The following MEI4 variants were observed in gnomAD, a reference collection of about 807,000 sequenced individuals.
The protein encoded by MEI4 is meiosis-specific protein MEI4.
MEI4 carries 27 observed loss-of-function variants against 31.4 expected under a neutral mutation model. That is an observed-to-expected ratio of 0.86 (90% CI 0.63 to 1.19). The LOEUF (loss-of-function observed/expected upper bound fraction) is 1.19. MEI4 is among the 50% of genes most tolerant of loss of function. MEI4 has a pLI of 0.00. For synonymous variants in MEI4, 122 were observed against 145.4 expected, an observed-to-expected ratio of 0.84 and a Z score of 1.16; for missense variants, 329 against 398.9, an observed-to-expected ratio of 0.82 and a Z score of 1.49.
At chr6:77,661,882 G>T (rs994660102) in intron 1 of MEI4, among the ~76,000 whole-genome samples, 1 of 152,138 alleles carries the variant, frequency 6.6e-6, no homozygotes. Flanking sequence ...AAGTTGGAGA[G>T]CTAGCTGCTT....
At chr6:77,812,507 TA>T (rs1769597708) in intron 3 of MEI4, among the ~76,000 whole-genome samples, 1 of 152,094 alleles carries the variant, frequency 6.6e-6, no homozygotes, top group African/African-American at 2.4e-5. Context: ...GAGTGTTCTG[TA>T]GGGATTGTTT....
chr6:77,861,339 C>A (rs190917404), intron 4 of MEI4, among the ~76,000 whole-genome samples: 1 of 152,174 alleles, frequency 6.6e-6, no homozygotes, highest in Non-Finnish European at 1.5e-5. Context: ...TAAAGTTTGT[C>A]TATAAAATTG....
intron 3 of MEI4, among the ~76,000 whole-genome samples, chr6:77,807,343 A>T (rs905468869): frequency 1.3e-5 from 2 of 152,124 alleles, no homozygotes; most frequent in African/African-American, 4.8e-5. Flanking sequence ...GCTGGACTTC[A>T]TGTCATTTTA....
At chr6:77,821,209 T>C (rs1209817190) in intron 3 of MEI4, among the ~76,000 whole-genome samples, 1 of 152,180 alleles carries the variant, frequency 6.6e-6, no homozygotes, top group African/African-American at 2.4e-5. Context: ...CCGTATCAGA[T>C]AAGTGTAATT....
intron 2 of MEI4, among the ~76,000 whole-genome samples, chr6:77,735,409 C>T (rs1435272544): frequency 2.0e-5 from 3 of 152,040 alleles, no homozygotes; most frequent in Non-Finnish European, 4.4e-5. Context: ...GATACCCTTT[C>T]TTCCAGTTGA....
chr6:77,727,759 C>G (rs1037913087), intron 2 of MEI4, among the ~76,000 whole-genome samples: 1 of 152,194 alleles, frequency 6.6e-6, no homozygotes, highest in Non-Finnish European at 1.5e-5. Context: ...TAAATGAAAT[C>G]TTGAAACCAG....
chr6:77,777,080 T>C (rs900555574), intron 3 of MEI4, among the ~76,000 whole-genome samples: 1 of 152,154 alleles, frequency 6.6e-6, no homozygotes, highest in African/African-American at 2.4e-5. Context: ...TTAAAGTTAG[T>C]ATATTGAGGA....
At chr6:77,770,916 G>A (rs994952573) in intron 3 of MEI4, among the ~76,000 whole-genome samples, 1 of 151,942 alleles carries the variant, frequency 6.6e-6, no homozygotes, top group African/African-American at 2.4e-5. Flanking sequence ...AACAATTGCA[G>A]CAAAAGAAAA....
In MEI4 at chr6:77,828,497, C is replaced by A. The variant is rs149305447; in HGVS notation, c.769-434C>A. 1.4e-3 allele frequency among the ~76,000 whole-genome samples: 213 copies of A among 152,090 alleles called. 1 individual carries two copies. Among genetic ancestry groups the A allele is most frequent in the African/African-American group, 4.5e-3 (187 of 41,500 alleles). On this transcript the variant is annotated intron_variant, in intron 3 of 4. Transcript: ENST00000684080. Reference sequence around the variant, plus strand: ...TGGAACAGTTTCATCTCAAAATGATCCACCCTGCCCCCCTTCCATGGAAAA... The same window carrying A: ...TGGAACAGTTTCATCTCAAAATGATACACCCTGCCCCCCTTCCATGGAAAA...
chr6:77,803,033 G>A (rs1361801266), intron 3 of MEI4, among the ~76,000 whole-genome samples: 1 of 152,092 alleles, frequency 6.6e-6, no homozygotes, highest in Admixed American at 6.6e-5. Context: ...TGCTAGATTG[G>A]GGAAGTTCTC....
chr6:77,657,943 A>G (rs1160097945), intron 1 of MEI4, among the ~76,000 whole-genome samples: 1 of 152,190 alleles, frequency 6.6e-6, no homozygotes, highest in Non-Finnish European at 1.5e-5. Flanking sequence ...TCCTTCATAA[A>G]TGTATAGTCA....
chr6:77,791,744 T>A (rs1440995765), intron 3 of MEI4, among the ~76,000 whole-genome samples: 1 of 152,182 alleles, frequency 6.6e-6, no homozygotes, highest in East Asian at 1.9e-4. Context: ...GACAGTGTTA[T>A]TATTTCACAT....
intron 4 of MEI4, among the ~76,000 whole-genome samples, chr6:77,854,834 A>G (rs571762404): frequency 6.6e-6 from 1 of 152,220 alleles, no homozygotes; most frequent in East Asian, 1.9e-4. Context: ...TATAGGTATC[A>G]TTTCCTCTGT....
chr6:77,904,170 T>C (rs1054947103), intron 4 of MEI4, among the ~76,000 whole-genome samples: 2 of 152,198 alleles, frequency 1.3e-5, no homozygotes, highest in African/African-American at 2.4e-5. Context: ...CCTAGTGTTA[T>C]GCTTTGAATT....
rs569598996 is a variant in MEI4 at position 77,853,391 on chromosome 6, C to A, written c.900+24329C>A. On this transcript the variant is annotated intron_variant, in intron 4 of 4. Transcript: ENST00000684080. ...CTTTTAAGGAGTTTCAGTGACTTGT[C>A]CAAGGTTGTTCATTTTAATAATAGC... Among the ~76,000 whole-genome samples, 4 of 152,220 alleles carry A rather than the reference C, an allele frequency of 2.6e-5. No individual in the cohort carries two copies. In the East Asian group the frequency reaches 7.7e-4, roughly 29 times the overall value.
At chr6:77,727,839 C>T (rs1189401805) in intron 2 of MEI4, among the ~76,000 whole-genome samples, 2 of 152,316 alleles carry the variant, frequency 1.3e-5, no homozygotes, top group East Asian at 3.9e-4. Context: ...GGCCTTACCC[C>T]TGGAGAAGCA....
At chr6:77,817,634 A>G (rs951378708) in intron 3 of MEI4, among the ~76,000 whole-genome samples, 2 of 151,738 alleles carry the variant, frequency 1.3e-5, no homozygotes, top group Non-Finnish European at 2.9e-5. Flanking sequence ...TGTATTTTTT[A>G]TTTTTACTAT....
rs9343696 is a variant in MEI4 at position 77,923,550 on chromosome 6, G to T, written c.*204G>T. On this transcript the variant is annotated 3_prime_UTR_variant, in exon 5 of 5. Transcript: ENST00000684080. ...TTCTATACTAAAATCAGCCAGTTTC[G>T]GTTGGTAATGCCATCCTTATTCCCA... 8.1e-6 allele frequency: 3 copies of T among 369,666 alleles called. No individual in the cohort carries two copies. The highest frequency in any genetic ancestry group is 1.4e-4 in the South Asian group (1 of 7,180). The allele number at this position is 369,666 out of a possible 1,614,324, so 22.9% of individuals were successfully genotyped here. A position where few individuals can be genotyped will look rare whatever the true frequency, so the allele number is the denominator to read the frequency against.
At chr6:77,896,838 A>G (rs1766093122) in intron 4 of MEI4, among the ~76,000 whole-genome samples, 1 of 152,046 alleles carries the variant, frequency 6.6e-6, no homozygotes, top group Non-Finnish European at 1.5e-5. Context: ...AATGCCTTCA[A>G]TAATTCACCA....
Sources: allele counts gnomAD v4.1 joint callset (sites outside exome capture counted in the v4.1 genomes callset), GRCh38; gene constraint gnomAD v4.1.1; transcripts MANE v1.5; gene names NCBI Gene and HGNC (gene_info 2026-07-23, HGNC 2026-07-21).